The following CCR9 variants were observed in gnomAD, a reference collection of about 807,000 sequenced individuals.
The protein encoded by CCR9 is C-C chemokine receptor type 9.
Under a neutral mutation model 8.7 loss-of-function variants are expected in CCR9, and 4 were observed. The observed-to-expected ratio is 0.46, with a 90% CI of 0.23 to 1.06. The LOEUF (loss-of-function observed/expected upper bound fraction) is 1.06, where lower values mean the gene tolerates loss of function less well. CCR9 is among the 50% of genes least tolerant of loss of function. The pLI, the probability that CCR9 is intolerant of heterozygous loss-of-function variation, is 0.21. For synonymous variants in CCR9, 159 were observed against 168.8 expected, an observed-to-expected ratio of 0.94 and a Z score of 0.45; for missense variants, 394 against 453.6, an observed-to-expected ratio of 0.87 and a Z score of 1.19.
intron 2 of CCR9, among the ~76,000 whole-genome samples, chr3:45,897,363 C>T (rs1029407029): frequency 2.0e-5 from 3 of 152,162 alleles, no homozygotes; most frequent in African/African-American, 7.2e-5. Context: ...AACTAAGTAA[C>T]TTCATGCAAA....
At chr3:45,897,954 A>T (rs1338544231) in intron 2 of CCR9, among the ~76,000 whole-genome samples, 2 of 135,540 alleles carry the variant, frequency 1.5e-5, no homozygotes, top group Non-Finnish European at 3.1e-5. Flanking sequence ...CTCATGTGAG[A>T]GTCTATTAAA....
chr3:45,890,334 T>TA (rs1464832190), intron 1 of CCR9, among the ~76,000 whole-genome samples: 4,912 of 70,042 alleles, frequency 0.07, 963 homozygotes, highest in East Asian at 0.2. Flanking sequence ...AATATATATA[T>TA]AACATATATA....
chr3:45,889,026 C>T (rs1702065660), intron 1 of CCR9, among the ~76,000 whole-genome samples: 1 of 152,236 alleles, frequency 6.6e-6, no homozygotes, highest in African/African-American at 2.4e-5. Flanking sequence ...TGCTCTGTCA[C>T]TCAGGCTGCA....
Position 45,890,308 on chromosome 3 carries a change from T to TATATATATAAATATATATATAACATAA in CCR9, c.-29+3661_-29+3662insAAATATATATATAACATAAATATATAT. Among the ~76,000 whole-genome samples the TATATATATAAATATATATATAACATAA allele has an allele frequency of 3.2e-3, 244 of 77,350 alleles. 63 individuals are homozygous for TATATATATAAATATATATATAACATAA. In the African/African-American group the frequency reaches 0.033, roughly 10 times the overall value. The allele number at this position is 77,350 out of a possible 152,430, so 50.7% of individuals were successfully genotyped here. ...TTTATATAAATATATATATAACATA[T>TATATATATAAATATATATATAACATAA]ATATATATTTATATAAATATATATA... On this transcript the variant is annotated intron_variant, in intron 1 of 2. Coordinates refer to ENST00000357632, the MANE Select transcript of CCR9 (RefSeq NM_031200.3).
At chr3:45,888,615 A>C (rs912012531) in intron 1 of CCR9, among the ~76,000 whole-genome samples, 1 of 152,240 alleles carries the variant, frequency 6.6e-6, no homozygotes, top group Non-Finnish European at 1.5e-5. Flanking sequence ...CACAGTGCTG[A>C]GTCAACTGCC....
intron 1 of CCR9, 85 bp from the exon 2 acceptor site, chr3:45,894,821 A>G: frequency 1.1e-6 from 1 of 940,014 alleles, no homozygotes; most frequent in Non-Finnish European, 1.8e-6. Context: ...AGCAGATTTA[A>G]AATTTAATCT....
rs766947395 is a variant in CCR9, at chr3:45,901,308, G to A, written c.520G>A (p.Val174Ile). 1.2e-6 allele frequency: 2 copies of A among 1,614,176 alleles called. No homozygotes were observed. The highest frequency in any genetic ancestry group is 1.7e-6 in the Non-Finnish European group (2 of 1,180,034). Residue 174 changes from valine (V) to isoleucine (I), a missense_variant, in exon 3 of 3, where the codon GTA becomes ATA. Transcript: ENST00000357632. The surrounding 1 kb of genome is among the most constrained non-coding windows in gnomAD (Gnocchi z 4.3). ...YSKMVCFTIW[V>I]LAAALCIPEI... ...CAAAATGGTTTGCTTTACCATCTGGGTATTGGCAGCTGCTCTCTGCATCCC... is the reference window on the plus strand; with the variant it reads ...CAAAATGGTTTGCTTTACCATCTGGATATTGGCAGCTGCTCTCTGCATCCC...
intron 1 of CCR9, among the ~76,000 whole-genome samples, chr3:45,887,165 G>A (rs1416531237): frequency 6.6e-6 from 1 of 152,136 alleles, no homozygotes; most frequent in Non-Finnish European, 1.5e-5. Context: ...GGCATGGAAG[G>A]TGATCCATGA....
At position 45,902,171 on chromosome 3, in the gene CCR9, C is replaced by T. The variant is rs904723640; in HGVS notation, c.*273C>T. The T allele has an allele frequency of 3.0e-6, 1 of 334,084 alleles. No individual in the cohort carries two copies. The highest frequency in any genetic ancestry group is 5.7e-6 in the Non-Finnish European group (1 of 175,032). 20.7% of individuals were successfully genotyped at this position (334,084 alleles called of 1,614,324 possible). On this transcript the variant is annotated 3_prime_UTR_variant, in exon 3 of 3. Coordinates refer to ENST00000357632, the MANE Select transcript of CCR9 (RefSeq NM_031200.3). ...GGCACTGTGGAGCACCCTGGCTTTG[C>T]CACTCGCCGGAGCATCAATGCCGCT...
At chr3:45,888,318 T>C (rs1702046285) in intron 1 of CCR9, among the ~76,000 whole-genome samples, 2 of 152,288 alleles carry the variant, frequency 1.3e-5, no homozygotes, top group African/African-American at 4.8e-5. Context: ...CGCAAAAATG[T>C]CACCTCTTCA....
chr3:45,895,234 G>A (rs1005349055), intron 2 of CCR9: 1 of 505,526 alleles, frequency 2.0e-6, no homozygotes. Context: ...ACTAGGGTGT[G>A]CTTAGTTCCA....
chr3:45,892,731 C>T (rs893867691), intron 1 of CCR9, among the ~76,000 whole-genome samples: 2 of 151,926 alleles, frequency 1.3e-5, no homozygotes, highest in African/African-American at 4.8e-5. Context: ...AGGAAAAAAC[C>T]CACAAAAACA....
At chr3:45,893,843 G>T (rs1291324276) in intron 1 of CCR9, among the ~76,000 whole-genome samples, 2 of 152,206 alleles carry the variant, frequency 1.3e-5, no homozygotes, top group Non-Finnish European at 2.9e-5. Flanking sequence ...GTGAGTGCAT[G>T]TATAACGTCT....
chr3:45,901,388 G>C lies in CCR9; in HGVS notation c.600G>C (p.Met200Ile). 1 of 1,614,184 alleles carries C rather than the reference G, an allele frequency of 6.2e-7. No homozygotes were observed. Among genetic ancestry groups the C allele is most frequent in the South Asian group, 1.1e-5 (1 of 91,078 alleles). ...KEESGIAICT[M>I]VYPSDESTKL... ...AATCCGGCATTGCTATCTGCACCAT[G>C]GTTTACCCTAGCGATGAGAGCACCA... The change falls in exon 3 of 3, where the codon ATG becomes ATC. Residue 200 changes from methionine to isoleucine, a missense_variant. Transcript: ENST00000357632. The surrounding 1 kb of genome is among the most constrained non-coding windows in gnomAD (Gnocchi z 4.3).
At chr3:45,888,225 CCT>C (rs1342078914) in intron 1 of CCR9, among the ~76,000 whole-genome samples, 1 of 152,198 alleles carries the variant, frequency 6.6e-6, no homozygotes, top group Non-Finnish European at 1.5e-5. Context: ...GACTTTCATG[CCT>C]TAGTGCATAT....
intron 2 of CCR9, 107 bp downstream of exon 2, chr3:45,895,061 T>A: frequency 8.2e-7 from 1 of 1,222,010 alleles, no homozygotes; most frequent in Non-Finnish European, 1.2e-6. Context: ...CTGTGTGGTT[T>A]CCCAGGGTAA....
chr3:45,893,302 A>C (rs1463657342), intron 1 of CCR9, among the ~76,000 whole-genome samples: 1 of 151,978 alleles, frequency 6.6e-6, no homozygotes, highest in Admixed American at 6.6e-5. Context: ...CTACAGGCGC[A>C]CACCACCACA....
rs368620373 is a variant in CCR9 at position 45,901,921 on chromosome 3, G to C, written c.*23G>C. On this transcript the variant is annotated 3_prime_UTR_variant, in exon 3 of 3. Transcript: ENST00000357632. The surrounding 1 kb of genome is among the most constrained non-coding windows in gnomAD (Gnocchi z 4.3). ...TGAGGGGTCTTCTCTGAGGTGCATG[G>C]TTCTTTTGGAAGAAATGAGAAATAC... 2.6e-6 allele frequency: 4 copies of C among 1,532,130 alleles called. No homozygotes were observed. In the East Asian group the frequency reaches 9.1e-5, roughly 35 times the overall value. 94.9% of individuals were successfully genotyped at this position (1,532,130 alleles called of 1,614,324 possible). A position where few individuals can be genotyped will look rare whatever the true frequency, so the allele number is the denominator to read the frequency against.
At position 45,902,077 on chromosome 3, in the gene CCR9, C is replaced by A; in HGVS notation, c.*179C>A. On this transcript the variant is annotated 3_prime_UTR_variant, in exon 3 of 3. Coordinates refer to ENST00000357632, the MANE Select transcript of CCR9 (RefSeq NM_031200.3). ...AAGCAAATATTTCAAAATCAACTGA[C>A]TAGTGCAGGAGGCTGTTGATTGGCT... is the stretch of plus-strand genomic sequence containing the variant. 1.7e-6 allele frequency: 1 copy of A among 604,284 alleles called. No individual in the cohort carries two copies. Among genetic ancestry groups the A allele is most frequent in the Non-Finnish European group, 2.9e-6 (1 of 343,236 alleles). 37.4% of individuals were successfully genotyped at this position (604,284 alleles called of 1,614,324 possible).
Sources: gnomAD v4.1 joint callset for allele counts (sites outside exome capture counted in the v4.1 genomes callset) on GRCh38, gnomAD v4.1.1 for gene constraint, Gnocchi (gnomAD v3.1) non-coding constraint, MANE v1.5 for transcripts, NCBI Gene and HGNC (gene_info 2026-07-23, HGNC 2026-07-21) for gene names.